Variants in ASIC2 observed in about 807,000 individuals in gnomAD.
The protein encoded by ASIC2 is acid-sensing ion channel 2.
Under a neutral mutation model 57.3 loss-of-function variants are expected in ASIC2, and 25 were observed. The observed-to-expected ratio is 0.44, with a 90% CI of 0.32 to 0.61. The LOEUF is 0.61. ASIC2 is among the 20% of genes least tolerant of loss of function. ASIC2 has a pLI of 0.06. For synonymous variants in ASIC2, 319 were observed against 307.5 expected (o/e 1.04, Z -0.39); for missense variants, 641 against 738.1 (o/e 0.87, Z 1.52).
At chr17:33,677,529 T>C (rs537795516) in intron 1 of ASIC2, among the ~76,000 whole-genome samples, 2 of 152,228 alleles carry the variant, frequency 1.3e-5, no homozygotes, top group Admixed American at 1.3e-4. Context: ...TTCACCATTC[T>C]AGATGCCATT....
intron 1 of ASIC2, among the ~76,000 whole-genome samples, chr17:34,047,589 C>T (rs555345990): frequency 6.7e-6 from 1 of 150,148 alleles, no homozygotes; most frequent in South Asian, 2.1e-4. Flanking sequence ...TGATTATATC[C>T]ATGCCCTTTG....
At chr17:33,648,960 T>C (rs1160894558) in intron 1 of ASIC2, among the ~76,000 whole-genome samples, 1 of 152,204 alleles carries the variant, frequency 6.6e-6, no homozygotes, top group African/African-American at 2.4e-5. Flanking sequence ...GTAGCTAAAA[T>C]ACTCGATGCT....
intron 1 of ASIC2, among the ~76,000 whole-genome samples, chr17:33,569,763 T>A (rs1163237920): frequency 6.6e-6 from 1 of 152,160 alleles, no homozygotes; most frequent in South Asian, 2.1e-4. Context: ...CATACATGTA[T>A]CCATAATTCA....
At chr17:33,651,485 G>A in intron 1 of ASIC2, among the ~76,000 whole-genome samples, 1 of 152,196 alleles carries the variant, frequency 6.6e-6, no homozygotes, top group East Asian at 1.9e-4. Context: ...GCATTCGCAA[G>A]CTGCCCTGCG....
At position 33,764,615 on chromosome 17, in the gene ASIC2, C is replaced by T. The variant is rs192028829; in HGVS notation, c.555+391363G>A. Among the ~76,000 whole-genome samples, 393 of 152,192 alleles carry T rather than the reference C, an allele frequency of 2.6e-3. 4 individuals carry two copies. The highest frequency in any genetic ancestry group is 9.1e-3 in the African/African-American group (378 of 41,524). On this transcript the variant is annotated intron_variant, in intron 1 of 9. Coordinates refer to the ASIC2 transcript ENST00000359872. Reference sequence around the variant, plus strand: ...GTCTGAGTGCACTAACTTGCTAGCTCAGGTCTCTTTTCCTCTTCTTATAAA... The same window carrying T: ...GTCTGAGTGCACTAACTTGCTAGCTTAGGTCTCTTTTCCTCTTCTTATAAA...
intron 1 of ASIC2, among the ~76,000 whole-genome samples, chr17:33,538,081 A>G (rs1915292395): frequency 6.6e-6 from 1 of 152,236 alleles, no homozygotes; most frequent in Non-Finnish European, 1.5e-5. Context: ...AGTCTTGAGT[A>G]AAATGCTTGG....
intron 1 of ASIC2, among the ~76,000 whole-genome samples, chr17:33,245,711 GA>G (rs955220570): frequency 2.6e-5 from 4 of 152,084 alleles, no homozygotes; most frequent in Non-Finnish European, 5.9e-5. Context: ...AGGGTAACAT[GA>G]AAAAAGGGGC....
At chr17:34,004,011 C>G (rs922504155) in intron 1 of ASIC2, 1 of 152,232 alleles carries the variant, frequency 6.6e-6, no homozygotes, top group African/African-American at 2.4e-5. Flanking sequence ...CTACAGAATG[C>G]TGGCATCTAT....
chr17:33,330,109 G>A (rs777634507), intron 1 of ASIC2, among the ~76,000 whole-genome samples: 5 of 152,186 alleles, frequency 3.3e-5, no homozygotes, highest in Non-Finnish European at 7.3e-5. Context: ...TATATGAAGG[G>A]TAGTGATGGT....
chr17:33,560,238 A>G (rs2141983229), intron 1 of ASIC2, among the ~76,000 whole-genome samples: 1 of 152,344 alleles, frequency 6.6e-6, no homozygotes, highest in East Asian at 1.9e-4. Flanking sequence ...TTTTTCACAG[A>G]AACCCTAAAG....
At chr17:33,598,819 G>A (rs951180889) in intron 1 of ASIC2, among the ~76,000 whole-genome samples, 1 of 152,208 alleles carries the variant, frequency 6.6e-6, no homozygotes, top group Non-Finnish European at 1.5e-5. Flanking sequence ...GGACAAGAAA[G>A]AATGAGATTT....
chr17:33,723,037 T>G (rs537590489), intron 1 of ASIC2, among the ~76,000 whole-genome samples: 2 of 152,250 alleles, frequency 1.3e-5, no homozygotes, highest in South Asian at 4.1e-4. Flanking sequence ...CCAATTTTAT[T>G]AAGCAGAAAT....
At chr17:33,652,993 C>A (rs945777479) in intron 1 of ASIC2, among the ~76,000 whole-genome samples, 5 of 152,222 alleles carry the variant, frequency 3.3e-5, no homozygotes, top group African/African-American at 7.2e-5. Context: ...CATTTCCTGG[C>A]AAATGATCTT....
intron 1 of ASIC2, among the ~76,000 whole-genome samples, chr17:33,629,178 T>A (rs1410337846): frequency 1.3e-5 from 2 of 152,216 alleles, no homozygotes; most frequent in Non-Finnish European, 2.9e-5. Context: ...GAAACCAGCT[T>A]CTGTAGCCAG....
chr17:33,143,632 C>T (rs1488748302), intron 1 of ASIC2, among the ~76,000 whole-genome samples: 3 of 152,168 alleles, frequency 2.0e-5, no homozygotes, highest in Non-Finnish European at 4.4e-5. Flanking sequence ...TGTCTTTTTA[C>T]TAGTCTATAC....
At position 33,590,709 on chromosome 17, in the gene ASIC2, C is replaced by T. The variant is rs1904800873; in HGVS notation, c.556-478642G>A. Among the ~76,000 whole-genome samples, 3 of 152,286 alleles carry T rather than the reference C, an allele frequency of 2.0e-5. No homozygotes were observed. The South Asian group carries it at 6.2e-4, about 32-fold the overall frequency. ...CACCACACCCCAATCTCTCCTGACA[C>T]CAAAGTCTATAATGATAACTGATGA... On this transcript the variant is annotated intron_variant, in intron 1 of 9. Coordinates refer to the ASIC2 transcript ENST00000359872.
At chr17:33,571,399 T>G (rs1916435575) in intron 1 of ASIC2, among the ~76,000 whole-genome samples, 1 of 152,220 alleles carries the variant, frequency 6.6e-6, no homozygotes, top group Non-Finnish European at 1.5e-5. Flanking sequence ...AACTTTGTTT[T>G]GTTCACTGAT....
intron 1 of ASIC2, among the ~76,000 whole-genome samples, chr17:33,141,591 T>A (rs1267904588): frequency 6.6e-6 from 1 of 152,066 alleles, no homozygotes; most frequent in African/African-American, 2.4e-5. Context: ...AACACTTTGG[T>A]GTTGTAAGGC....
intron 1 of ASIC2, among the ~76,000 whole-genome samples, chr17:33,141,893 T>C (rs991887138): frequency 6.6e-6 from 1 of 152,218 alleles, no homozygotes; most frequent in African/African-American, 2.4e-5. Flanking sequence ...TCTGTAACTA[T>C]ACAGGGTGTC....
Sources: gnomAD v4.1 joint callset for allele counts (sites outside exome capture counted in the v4.1 genomes callset) on GRCh38, gnomAD v4.1.1 for gene constraint, MANE v1.5 for transcripts, NCBI Gene and HGNC (gene_info 2026-07-23, HGNC 2026-07-21) for gene names.